SMAP1: variants seen among roughly 807,000 people sequenced by gnomAD.
SMAP1 encodes small ArfGAP 1.
SMAP1 carries 24 observed loss-of-function variants against 58.5 expected under a neutral mutation model. That is an observed-to-expected ratio of 0.41 (90% CI 0.30 to 0.58). SMAP1 has a LOEUF of 0.58. Ranked by LOEUF, SMAP1 falls within the 20% of genes least tolerant of loss-of-function variation. SMAP1 has a pLI of 0.29. For missense variants in SMAP1, 563 were observed against 566.3 expected, an observed-to-expected ratio of 0.99 and a Z score of 0.06; for synonymous variants, 216 against 196.6, an observed-to-expected ratio of 1.10 and a Z score of -0.82.
Position 70,851,229 on chromosome 6 carries a change from G to A in SMAP1, c.665-1311G>A, listed in dbSNP as rs193102464. Among the ~76,000 whole-genome samples, 456 of 152,118 alleles carry A rather than the reference G, an allele frequency of 3.0e-3. 3 individuals carry two copies. Among genetic ancestry groups the A allele is most frequent in the African/African-American group, 0.01 (425 of 41,512 alleles). ...ATTAAATAGCAAAAAATATTTTATC[G>A]TGACTATGTGTTAATAATTCTTTGT... is the stretch of plus-strand genomic sequence containing the variant. On this transcript the variant is annotated intron_variant, in intron 7 of 10. Transcript: ENST00000370455.
At chr6:70,717,552 G>A (rs189115341) in intron 1 of SMAP1, among the ~76,000 whole-genome samples, 1 of 152,322 alleles carries the variant, frequency 6.6e-6, no homozygotes, top group East Asian at 1.9e-4. Context: ...TTTGGATGTG[G>A]ATGTTTTCTC....
intron 1 of SMAP1, among the ~76,000 whole-genome samples, chr6:70,706,373 C>G (rs1215486758): frequency 6.6e-6 from 1 of 152,074 alleles, no homozygotes; most frequent in Admixed American, 6.5e-5. Context: ...CAACTAACTT[C>G]TTGTTTTTAG....
intron 6 of SMAP1, among the ~76,000 whole-genome samples, chr6:70,826,762 CAACAA>C (rs1174849336): frequency 6.6e-6 from 1 of 151,298 alleles, no homozygotes; most frequent in East Asian, 1.9e-4. Flanking sequence ...TCTCAAACCC[CAACAA>C]AACAAAACAA....
intron 4 of SMAP1, among the ~76,000 whole-genome samples, chr6:70,782,161 A>T (rs1228326378): frequency 6.6e-6 from 1 of 152,226 alleles, no homozygotes; most frequent in African/African-American, 2.4e-5. Flanking sequence ...CTCTACATGT[A>T]TAAAAGTACT....
chr6:70,742,778 CA>C (rs1765869944), intron 2 of SMAP1, among the ~76,000 whole-genome samples: 1 of 152,184 alleles, frequency 6.6e-6, no homozygotes, highest in Non-Finnish European at 1.5e-5. Flanking sequence ...AATGGACTCA[CA>C]GTTTCACATG....
chr6:70,833,813 GCC>G (rs940374387), intron 6 of SMAP1, among the ~76,000 whole-genome samples: 12 of 152,054 alleles, frequency 7.9e-5, no homozygotes, highest in Non-Finnish European at 1.8e-4. Flanking sequence ...TTTCGTTGTG[GCC>G]CATAAAATAG....
At chr6:70,741,318 A>G (rs1472126439) in intron 2 of SMAP1, among the ~76,000 whole-genome samples, 4 of 152,256 alleles carry the variant, frequency 2.6e-5, no homozygotes, top group Non-Finnish European at 5.9e-5. Context: ...GAATACAGGC[A>G]TTGGGTAAAT....
intron 6 of SMAP1, among the ~76,000 whole-genome samples, chr6:70,836,095 G>T (rs1038409723): frequency 6.6e-6 from 1 of 152,120 alleles, no homozygotes; most frequent in Non-Finnish European, 1.5e-5. Context: ...GTGTGCTCAC[G>T]AAGACTCCAA....
At chr6:70,773,532 T>C (rs770888644) in intron 4 of SMAP1, 107 bp downstream of exon 4, 14 of 616,954 alleles carry the variant, frequency 2.3e-5, no homozygotes, top group African/African-American at 3.9e-5. Flanking sequence ...TAGTTGTATA[T>C]ATTTACATTT....
At position 70,760,876 on chromosome 6, in the gene SMAP1, T is replaced by C. The variant is rs2149896628; in HGVS notation, c.338+5811T>C. Among the ~76,000 whole-genome samples, 3 of 152,222 alleles carry C rather than the reference T, an allele frequency of 2.0e-5. No individual in the cohort carries two copies. The Middle Eastern group carries it at 0.01, about 518-fold the overall frequency. ...TGTAATTTCTAATGTGGGATGTGGT[T>C]AATTATAGGCTGCATGTCCTAGTGC... On this transcript the variant is annotated intron_variant, in intron 3 of 10. Coordinates refer to ENST00000370455, the MANE Select transcript of SMAP1 (RefSeq NM_001044305.3).
chr6:70,805,173 A>G (rs1769064690), intron 6 of SMAP1, among the ~76,000 whole-genome samples: 1 of 151,942 alleles, frequency 6.6e-6, no homozygotes, highest in African/African-American at 2.4e-5. Context: ...ATATAGTTTC[A>G]TATTTCTTGG....
In SMAP1 at chr6:70,809,139, G is replaced by A. The variant is rs139345213; in HGVS notation, c.576+10402G>A. ...TCAATTCACAAAGTATATAAAAGTAGAATAAAAATTCCAGGAAGGAAAGTG... is the reference window on the plus strand; with the variant it reads ...TCAATTCACAAAGTATATAAAAGTAAAATAAAAATTCCAGGAAGGAAAGTG... On this transcript the variant is annotated intron_variant, in intron 6 of 10. Coordinates refer to ENST00000370455, the MANE Select transcript of SMAP1 (RefSeq NM_001044305.3). Among the ~76,000 whole-genome samples, 8 of 152,166 alleles carry A rather than the reference G, an allele frequency of 5.3e-5. No homozygotes were observed. In the East Asian group the frequency reaches 7.7e-4, roughly 15 times the overall value.
chr6:70,789,525 CT>C (rs1488443501), intron 4 of SMAP1, among the ~76,000 whole-genome samples: 1 of 150,052 alleles, frequency 6.7e-6, no homozygotes, highest in East Asian at 1.9e-4. Context: ...TTTCAAATGT[CT>C]TTCTTCTTAA....
At chr6:70,842,462 G>T (rs1022805639) in intron 7 of SMAP1, among the ~76,000 whole-genome samples, 6 of 152,166 alleles carry the variant, frequency 3.9e-5, no homozygotes, top group African/African-American at 7.2e-5. Context: ...AACGGGTGCC[G>T]CTGGGTGAGT....
intron 3 of SMAP1, chr6:70,760,024 G>A (rs956482845): frequency 1.7e-4 from 42 of 243,494 alleles, no homozygotes; most frequent in African/African-American, 8.5e-4. Flanking sequence ...GAGCTATTAA[G>A]AAACTTCCTA....
chr6:70,757,047 G>A (rs1247395159), intron 3 of SMAP1, among the ~76,000 whole-genome samples: 1 of 152,346 alleles, frequency 6.6e-6, no homozygotes, highest in East Asian at 1.9e-4. Context: ...CCAAAAAAGA[G>A]CCGGCATTGC....
chr6:70,756,272 CAATTT>C (rs989827979), intron 3 of SMAP1, among the ~76,000 whole-genome samples: 15 of 152,094 alleles, frequency 9.9e-5, no homozygotes, highest in Admixed American at 9.2e-4. Flanking sequence ...TATAGTAAAA[CAATTT>C]GTGTGGCCAG....
chr6:70,784,451 A>C (rs1181063354), intron 4 of SMAP1, among the ~76,000 whole-genome samples: 2 of 152,340 alleles, frequency 1.3e-5, no homozygotes, highest in South Asian at 4.1e-4. Flanking sequence ...AACACATAAC[A>C]ATATTAACTT....
In SMAP1 at chr6:70,840,076, A is replaced by T. The variant is rs138993798; in HGVS notation, c.664+3048A>T. On this transcript the variant is annotated intron_variant, in intron 7 of 10. Coordinates refer to ENST00000370455, the MANE Select transcript of SMAP1 (RefSeq NM_001044305.3). ...GGGGGCGTAGGTGCCTTGAAGTATG[A>T]TTTATGGTCATGCAAAGATGACAGC... 5.3e-5 allele frequency among the ~76,000 whole-genome samples: 8 copies of T among 152,288 alleles called. No homozygotes were observed. In the East Asian group the frequency reaches 1.5e-3, roughly 29 times the overall value.
Sources: gnomAD v4.1 joint callset for allele counts (sites outside exome capture counted in the v4.1 genomes callset) on GRCh38, gnomAD v4.1.1 for gene constraint, MANE v1.5 for transcripts, NCBI Gene and HGNC (gene_info 2026-07-23, HGNC 2026-07-21) for gene names.